SOX5: variants seen among roughly 807,000 people sequenced by gnomAD.
The protein encoded by SOX5 is transcription factor SOX-5.
In SOX5, 9 loss-of-function variants were observed where a neutral mutation model predicts 92.0. That is an observed-to-expected ratio of 0.10 (90% CI 0.06 to 0.17). SOX5 has a LOEUF of 0.17. Ranked by LOEUF, SOX5 falls within the 10% of genes least tolerant of loss-of-function variation. The pLI, the probability that SOX5 is intolerant of heterozygous loss-of-function variation, is 1.00. For synonymous variants in SOX5, 344 were observed against 336.3 expected, an observed-to-expected ratio of 1.02 and a Z score of -0.25; for missense variants, 642 against 944.5, an observed-to-expected ratio of 0.68 and a Z score of 4.20.
intron 1 of SOX5, among the ~76,000 whole-genome samples, chr12:24,520,379 A>C (rs1360806882): frequency 6.6e-6 from 1 of 152,160 alleles, no homozygotes; most frequent in Non-Finnish European, 1.5e-5. Flanking sequence ...GTGGTTTTGC[A>C]TGCAGTCGAA....
chr12:24,314,027 T>A (rs1949462965), intron 2 of SOX5, among the ~76,000 whole-genome samples: 1 of 152,142 alleles, frequency 6.6e-6, no homozygotes, highest in Admixed American at 6.6e-5. Context: ...ATGGAATCTT[T>A]AAATGCACTA....
intron 1 of SOX5, among the ~76,000 whole-genome samples, chr12:24,545,618 G>T (rs1226462199): frequency 6.6e-6 from 1 of 152,158 alleles, no homozygotes; most frequent in Non-Finnish European, 1.5e-5. Context: ...TTTGGCATCC[G>T]CATTTTAATA....
At position 23,612,341 on chromosome 12, in the gene SOX5, A is replaced by G. The variant is rs183765863; in HGVS notation, c.1018-7808T>C. Among the ~76,000 whole-genome samples the G allele has an allele frequency of 3.0e-3, 458 of 152,244 alleles. 2 individuals carry two copies. Among genetic ancestry groups the G allele is most frequent in the Non-Finnish European group, 4.0e-3 (269 of 67,988 alleles). ...TAAGTATTTTATTAAAATGTGACCAATGAGATTGTTTAGTTCACCCCAAGA... is the reference window on the plus strand; with the variant it reads ...TAAGTATTTTATTAAAATGTGACCAGTGAGATTGTTTAGTTCACCCCAAGA... On this transcript the variant is annotated intron_variant, in intron 8 of 14. Transcript: ENST00000451604.
intron 7 of SOX5, among the ~76,000 whole-genome samples, chr12:23,646,309 G>T (rs1051621020): frequency 1.3e-5 from 2 of 152,040 alleles, no homozygotes; most frequent in African/African-American, 4.8e-5. Context: ...TGGGTAGCTG[G>T]GACCACATGC....
intron 6 of SOX5, among the ~76,000 whole-genome samples, chr12:23,709,490 A>G (rs2091818044): frequency 6.6e-6 from 1 of 152,186 alleles, no homozygotes; most frequent in African/African-American, 2.4e-5. Context: ...AAATGAAAAA[A>G]TGTACTCAAA....
At chr12:24,147,964 G>C (rs930966811) in intron 4 of SOX5, among the ~76,000 whole-genome samples, 1 of 152,130 alleles carries the variant, frequency 6.6e-6, no homozygotes, top group Non-Finnish European at 1.5e-5. Flanking sequence ...CAAGATGTCA[G>C]TTCTCTCCAA....
At chr12:24,048,037 G>A (rs938384657) in intron 4 of SOX5, among the ~76,000 whole-genome samples, 1 of 152,068 alleles carries the variant, frequency 6.6e-6, no homozygotes, top group Admixed American at 6.5e-5. Context: ...CTCCTTGTCA[G>A]TCCCTACACC....
chr12:23,774,140 T>C (rs11047092), intron 3 of SOX5, among the ~76,000 whole-genome samples: 15,387 of 152,224 alleles, frequency 0.1, 902 homozygotes, highest in Admixed American at 0.14. Context: ...ATAGCTGCTA[T>C]CATCTTCATC....
chr12:23,856,425 T>G (rs757780781), intron 2 of SOX5, among the ~76,000 whole-genome samples: 1 of 152,140 alleles, frequency 6.6e-6, no homozygotes, highest in East Asian at 1.9e-4. Context: ...TTAAAGGCAC[T>G]GTTGCAAATG....
intron 1 of SOX5, among the ~76,000 whole-genome samples, chr12:24,420,019 A>G (rs1369210633): frequency 6.6e-6 from 1 of 152,248 alleles, no homozygotes; most frequent in Non-Finnish European, 1.5e-5. Context: ...TGTATACATT[A>G]TGGTTGATAG....
intron 4 of SOX5, among the ~76,000 whole-genome samples, chr12:23,746,608 C>G (rs986381788): frequency 2.0e-5 from 3 of 152,152 alleles, no homozygotes; most frequent in South Asian, 2.1e-4. Context: ...CAGTCTTCTT[C>G]CTGCCTAAAA....
chr12:23,824,301 TG>T (rs950732739), intron 3 of SOX5, among the ~76,000 whole-genome samples: 1 of 152,220 alleles, frequency 6.6e-6, no homozygotes, highest in African/African-American at 2.4e-5. Context: ...ATGGAGTTTT[TG>T]CATGGTTGTC....
intron 2 of SOX5, among the ~76,000 whole-genome samples, chr12:24,363,362 G>C (rs1216014406): frequency 6.6e-6 from 1 of 152,098 alleles, no homozygotes; most frequent in African/African-American, 2.4e-5. Flanking sequence ...AGCCATGCTG[G>C]AGCGGTGCCA....
chr12:23,732,717 A>C (rs1436690598), intron 6 of SOX5, among the ~76,000 whole-genome samples: 1 of 152,166 alleles, frequency 6.6e-6, no homozygotes, highest in African/African-American at 2.4e-5. Context: ...TTGATCAAAT[A>C]AAAATTCTAA....
intron 4 of SOX5, among the ~76,000 whole-genome samples, chr12:24,209,845 C>T (rs1245484173): frequency 2.0e-5 from 3 of 150,696 alleles, no homozygotes; most frequent in Admixed American, 1.3e-4. Context: ...GGTGAAACCC[C>T]GTCTCTACTA....
At chr12:24,285,191 T>A (rs920225310) in intron 2 of SOX5, among the ~76,000 whole-genome samples, 2 of 152,142 alleles carry the variant, frequency 1.3e-5, no homozygotes, top group Admixed American at 6.5e-5. Context: ...GCTTGGACCC[T>A]GAGCATACAG....
intron 13 of SOX5, among the ~76,000 whole-genome samples, chr12:23,538,376 A>G (rs750751492): frequency 7.2e-5 from 11 of 152,196 alleles, no homozygotes; most frequent in Non-Finnish European, 1.0e-4. Flanking sequence ...TACAGTATAA[A>G]CTCAGGTTAC....
intron 1 of SOX5, among the ~76,000 whole-genome samples, chr12:24,412,048 T>G (rs572120447): frequency 2.0e-5 from 3 of 152,278 alleles, no homozygotes; most frequent in African/African-American, 7.2e-5. Flanking sequence ...GTTGTGAATT[T>G]ATGTGTGTAG....
At chr12:23,720,947 G>A (rs1256630432) in intron 6 of SOX5, among the ~76,000 whole-genome samples, 1 of 151,932 alleles carries the variant, frequency 6.6e-6, no homozygotes, top group Non-Finnish European at 1.5e-5. Flanking sequence ...AGAAGAACAG[G>A]GTCTATGCCT....
Sources: allele counts gnomAD v4.1 joint callset (sites outside exome capture counted in the v4.1 genomes callset), GRCh38; gene constraint gnomAD v4.1.1; transcripts MANE v1.5; gene names NCBI Gene and HGNC (gene_info 2026-07-23, HGNC 2026-07-21).